The following LRBA variants were observed in gnomAD, a reference collection of about 807,000 sequenced individuals.
LRBA encodes lipopolysaccharide-responsive and beige-like anchor protein.
LRBA carries 176 observed loss-of-function variants against 330.0 expected under a neutral mutation model. That is an observed-to-expected ratio of 0.53 (90% CI 0.47 to 0.60). The LOEUF is 0.60. Among genes scored for constraint, LRBA ranks in the 20% least tolerant of loss-of-function variants. The pLI is 0.00. For synonymous variants in LRBA, 1,230 were observed against 1,193.0 expected (o/e 1.03, Z -0.64); for missense variants, 3,259 against 3,444.8 (o/e 0.95, Z 1.35).
At chr4:150,296,649 G>T (rs950406509) in intron 53 of LRBA, among the ~76,000 whole-genome samples, 3 of 151,588 alleles carry the variant, frequency 2.0e-5, no homozygotes, top group Non-Finnish European at 4.4e-5. Context: ...AAAAAATAGG[G>T]TTTAACTGTT....
At chr4:150,679,908 T>C in intron 37 of LRBA, among the ~76,000 whole-genome samples, 1 of 152,160 alleles carries the variant, frequency 6.6e-6, no homozygotes. Flanking sequence ...AGTCAGCCTA[T>C]TAGAATGCAA....
rs563409010 is a variant in LRBA, at chr4:150,963,527, A to G, written c.217-34462T>C. Reference sequence around the variant, plus strand: ...GCTGGAGTGCAGTGGCGTGATCTCGAATCGCTACAACCTCCACCTCCCAGC... The same window carrying G: ...GCTGGAGTGCAGTGGCGTGATCTCGGATCGCTACAACCTCCACCTCCCAGC... On this transcript the variant is annotated intron_variant, in intron 2 of 56. Coordinates refer to ENST00000651943, the MANE Select transcript of LRBA (RefSeq NM_001364905.1). Among the ~76,000 whole-genome samples the G allele has an allele frequency of 1.6e-3, 237 of 149,370 alleles. 4 individuals carry two copies. In the East Asian group the frequency reaches 0.025, roughly 16 times the overall value.
rs146043387 is a variant in LRBA, at chr4:150,583,389, G to A, written c.6330+4659C>T. 5 of 1,614,034 alleles carry A rather than the reference G, an allele frequency of 3.1e-6. No individual in the cohort carries two copies. The East Asian group carries it at 1.1e-4, about 36-fold the overall frequency. On this transcript the variant is annotated intron_variant, in intron 40 of 56. Transcript: ENST00000651943. This position sits in a 1 kb window ranked among gnomAD's most constrained non-coding sequence, Gnocchi z 9.8. Reference sequence around the variant, plus strand: ...TCTGGGTCGAGTTCATCACGGCGTCGGGCTATCTCTCAGCGCGTAAGATCC... The same window carrying A: ...TCTGGGTCGAGTTCATCACGGCGTCAGGCTATCTCTCAGCGCGTAAGATCC...
intron 6 of LRBA, 26 bp from the exon 7 acceptor site, chr4:150,916,553 C>T (rs747794260): frequency 6.2e-7 from 1 of 1,609,256 alleles, no homozygotes; most frequent in South Asian, 1.1e-5. Context: ...TTCATTTTAC[C>T]TCTAAATATT....
At chr4:150,561,003 T>A (rs1768258108) in intron 40 of LRBA, among the ~76,000 whole-genome samples, 1 of 152,044 alleles carries the variant, frequency 6.6e-6, no homozygotes, top group South Asian at 2.1e-4. Context: ...AGAAAAAGGT[T>A]ACTATCAGTA....
At chr4:150,369,846 T>C (rs1461230349) in intron 47 of LRBA, among the ~76,000 whole-genome samples, 4 of 152,164 alleles carry the variant, frequency 2.6e-5, no homozygotes, top group Admixed American at 2.0e-4. Flanking sequence ...AGAGCATTAG[T>C]GAGGCAGCAT....
chr4:150,380,003 TAAAAAA>T (rs371691815), intron 47 of LRBA, among the ~76,000 whole-genome samples: 40 of 115,222 alleles, frequency 3.5e-4, no homozygotes, highest in Non-Finnish European at 5.0e-4. Flanking sequence ...TTTCTACTAC[TAAAAAA>T]AAAAAAAAAA....
intron 32 of LRBA, 124 bp from the exon 33 acceptor site, chr4:150,806,528 A>G (rs768588609): frequency 1.0e-5 from 5 of 493,642 alleles, no homozygotes; most frequent in Non-Finnish European, 1.5e-5. Context: ...AATCACCTAA[A>G]GAGACATTAC....
intron 48 of LRBA, among the ~76,000 whole-genome samples, chr4:150,349,698 C>T (rs964520045): frequency 6.6e-6 from 1 of 152,024 alleles, no homozygotes; most frequent in African/African-American, 2.4e-5. Context: ...TATTTTCCTA[C>T]AAAAATCATG....
chr4:150,794,088 A>G (rs1467743514), intron 34 of LRBA, among the ~76,000 whole-genome samples: 1 of 152,250 alleles, frequency 6.6e-6, no homozygotes, highest in African/African-American at 2.4e-5. Flanking sequence ...GCAGCAGCTA[A>G]CAAAAGTCAC....
chr4:150,309,354 T>C (rs1730767370), intron 52 of LRBA, among the ~76,000 whole-genome samples: 1 of 152,188 alleles, frequency 6.6e-6, no homozygotes, highest in Non-Finnish European at 1.5e-5. Context: ...GTATACTCTA[T>C]AATGCTGCAC....
chr4:150,637,789 G>T (rs1387253244), intron 37 of LRBA, among the ~76,000 whole-genome samples: 1 of 152,130 alleles, frequency 6.6e-6, no homozygotes, highest in Non-Finnish European at 1.5e-5. Context: ...TATCAGAGAT[G>T]GTGGGCCAGA....
At chr4:150,988,140 T>C (rs918482689) in intron 2 of LRBA, among the ~76,000 whole-genome samples, 2 of 152,110 alleles carry the variant, frequency 1.3e-5, no homozygotes, top group African/African-American at 4.8e-5. Flanking sequence ...TCAAACCCTA[T>C]GTATAAACCC....
chr4:150,921,247 T>A lies in LRBA; in HGVS notation c.596A>T (p.Gln199Leu). The A allele has an allele frequency of 6.2e-7, 1 of 1,613,674 alleles. No homozygotes were observed. Residue 199 changes from glutamine to leucine, a missense_variant, in exon 5 of 57, where the codon CAG (glutamine) becomes CTG (leucine). Transcript: ENST00000651943. ...AAAAAAGGCATCAGGACCATACTTC[T>A]GAGGCATATGCTTTAACACAGACAG... ...KLLSVLKHMP[Q>L]KYGPDAFFNF...
chr4:150,896,271 T>C (rs1579127413), intron 16 of LRBA, 123 bp downstream of exon 16: 1 of 560,686 alleles, frequency 1.8e-6, no homozygotes, highest in Non-Finnish European at 3.1e-6. Context: ...AGTTCCTAAG[T>C]AGACACATTT....
intron 47 of LRBA, among the ~76,000 whole-genome samples, chr4:150,402,958 T>C (rs1745701415): frequency 6.6e-6 from 1 of 152,142 alleles, no homozygotes; most frequent in African/African-American, 2.4e-5. Flanking sequence ...GTTAACATAA[T>C]CAAGGAAATT....
At chr4:150,465,516 C>T (rs1014817372) in intron 44 of LRBA, among the ~76,000 whole-genome samples, 1 of 152,114 alleles carries the variant, frequency 6.6e-6, no homozygotes, top group Admixed American at 6.6e-5. Flanking sequence ...CGTGCCAACA[C>T]TTGTGATTTT....
chr4:150,817,277 C>G lies in LRBA; in HGVS notation c.5172-20G>C. On this transcript the variant is annotated intron_variant, in intron 30 of 56. Transcript: ENST00000651943. ...ACACTTCTGTAATAAAGAAAGTAAA[C>G]AGACTGAAAGATACAAATTGATCTC... 6.2e-7 allele frequency: 1 copy of G among 1,608,508 alleles called. No homozygotes were observed.
chr4:150,715,175 C>T (rs1786622210), intron 36 of LRBA, among the ~76,000 whole-genome samples: 1 of 152,134 alleles, frequency 6.6e-6, no homozygotes, highest in Admixed American at 6.5e-5. Context: ...ACAATCAGAC[C>T]TCGTATTGAA....
Sources: gnomAD v4.1 joint callset for allele counts (sites outside exome capture counted in the v4.1 genomes callset) on GRCh38, gnomAD v4.1.1 for gene constraint, Gnocchi (gnomAD v3.1) non-coding constraint, MANE v1.5 for transcripts, NCBI Gene and HGNC (gene_info 2026-07-23, HGNC 2026-07-21) for gene names.